Variants in ADGRA1 observed in about 807,000 individuals in gnomAD.
ADGRA1 encodes G-protein coupled receptor 123.
In ADGRA1, 12 loss-of-function variants were observed where a neutral mutation model predicts 21.3. The observed-to-expected ratio is 0.56, with a 90% CI of 0.36 to 0.91. The LOEUF is 0.91. Ranked by LOEUF, ADGRA1 falls within the 40% of genes least tolerant of loss-of-function variation. ADGRA1 has a pLI of 0.01. For missense variants in ADGRA1, 790 were observed against 805.6 expected, an observed-to-expected ratio of 0.98 and a Z score of 0.23; for synonymous variants, 385 against 368.8, an observed-to-expected ratio of 1.04 and a Z score of -0.50.
chr10:133,109,957 G>A (rs1282982283), intron 5 of ADGRA1, among the ~76,000 whole-genome samples: 2 of 152,230 alleles, frequency 1.3e-5, no homozygotes, highest in Non-Finnish European at 1.5e-5. Context: ...GGACTCAGCA[G>A]TGGTGGCATT....
intron 5 of ADGRA1, among the ~76,000 whole-genome samples, chr10:133,111,010 T>G (rs1439987489): frequency 1.3e-5 from 2 of 152,088 alleles, no homozygotes; most frequent in Admixed American, 1.3e-4. Flanking sequence ...GTGGCTGAAC[T>G]GGGGAGGTTC....
At chr10:133,093,664 C>T (rs1047440366) in intron 2 of ADGRA1, among the ~76,000 whole-genome samples, 6 of 152,198 alleles carry the variant, frequency 3.9e-5, no homozygotes, top group Admixed American at 3.9e-4. Flanking sequence ...CCTTCATCCG[C>T]CCCTTCCCAG....
intron 5 of ADGRA1, among the ~76,000 whole-genome samples, chr10:133,113,164 T>TGGGCC (rs1852092761): frequency 4.9e-5 from 2 of 40,516 alleles, no homozygotes; most frequent in Non-Finnish European, 9.8e-5. Flanking sequence ...TTGAGGTCTG[T>TGGGCC]AAGCCGCGTC....
At chr10:133,111,176 T>C (rs372920913) in intron 5 of ADGRA1, among the ~76,000 whole-genome samples, 254 of 18,734 alleles carry the variant, frequency 0.014, 43 homozygotes, top group African/African-American at 0.033. Context: ...CTGCCCGCCG[T>C]GAGCACCTCC....
In ADGRA1 at chr10:133,111,294, GC is replaced by G. The variant is rs1207321489; in HGVS notation, c.401+8459del. ...CCCTCCTAATCCCACCAGACAACCTGCCCCCCCGGGAACCATCCCTCCTAAT... is the reference window on the plus strand; with the variant it reads ...CCCTCCTAATCCCACCAGACAACCTGCCCCCCGGGAACCATCCCTCCTAAT... On this transcript the variant is annotated intron_variant, in intron 5 of 6. Transcript: ENST00000392607. Among the ~76,000 whole-genome samples the G allele has an allele frequency of 2.1e-4, 15 of 69,880 alleles. 1 individual carries two copies. The highest frequency in any genetic ancestry group is 1.1e-3 in the African/African-American group (13 of 12,144). The allele number at this position is 69,880 out of a possible 152,430, so 45.8% of individuals were successfully genotyped here. A position where few individuals can be genotyped will look rare whatever the true frequency, so the allele number is the denominator to read the frequency against.
intron 5 of ADGRA1, among the ~76,000 whole-genome samples, chr10:133,109,943 C>T (rs1274791900): frequency 6.6e-6 from 1 of 152,194 alleles, no homozygotes; most frequent in Admixed American, 6.5e-5. Flanking sequence ...GCTGGAAGGA[C>T]TCGGGACTCA....
intron 5 of ADGRA1, among the ~76,000 whole-genome samples, chr10:133,103,752 G>C (rs554905162): frequency 2.7e-4 from 41 of 152,334 alleles, no homozygotes; most frequent in African/African-American, 9.1e-4. Context: ...GGCCGCGGCC[G>C]TGACCAGGCC....
At chr10:133,125,024 C>T (rs1448225629) in intron 5 of ADGRA1, among the ~76,000 whole-genome samples, 2 of 152,246 alleles carry the variant, frequency 1.3e-5, no homozygotes, top group Admixed American at 6.5e-5. Context: ...GACACTTCTG[C>T]GTCCCCTGGG....
rs762634284 is a variant in ADGRA1 at position 133,128,536 on chromosome 10, C to T, written c.708C>T (p.Pro236=). ...GGRGIRPGTP[P]AHDAPGASVL... ...GTGGGATCCGGCCAGGCACCCCACC[C>T]GCACACGATGCCCCCGGCGCCTCCG... The change falls in exon 7 of 7, where the codon CCC becomes CCT. Residue 236 remains proline, a synonymous_variant. Transcript: ENST00000392607. The T allele has an allele frequency of 8.4e-6, 13 of 1,549,624 alleles. No homozygotes were observed. The highest frequency in any genetic ancestry group is 2.4e-5 in the East Asian group (1 of 40,974).
chr10:133,119,309 C>T (rs941194006), intron 5 of ADGRA1, among the ~76,000 whole-genome samples: 2 of 150,784 alleles, frequency 1.3e-5, no homozygotes, highest in African/African-American at 2.4e-5. Flanking sequence ...AATCTTCCTG[C>T]GGGTGGAGGG....
intron 5 of ADGRA1, among the ~76,000 whole-genome samples, chr10:133,110,733 C>T (rs1236629987): frequency 6.6e-6 from 1 of 152,214 alleles, no homozygotes; most frequent in African/African-American, 2.4e-5. Flanking sequence ...GTCTGATGCC[C>T]ATGTCTGAAC....
intron 5 of ADGRA1, among the ~76,000 whole-genome samples, chr10:133,111,808 GGC>G (rs1564849411): frequency 2.7e-5 from 4 of 149,540 alleles, no homozygotes; most frequent in Non-Finnish European, 3.0e-5. Context: ...GCCCACCACA[GGC>G]ACCTCCCTCC....
At chr10:133,092,920 G>A (rs1851625887) in intron 2 of ADGRA1, 1 of 1,548,440 alleles carries the variant, frequency 6.5e-7, no homozygotes, top group Admixed American at 1.9e-5. Flanking sequence ...AAGGAGGACT[G>A]GAAGCACCTG....
intron 2 of ADGRA1, among the ~76,000 whole-genome samples, chr10:133,090,388 C>G (rs1009351177): frequency 6.6e-6 from 1 of 152,258 alleles, no homozygotes; most frequent in Non-Finnish European, 1.5e-5. Flanking sequence ...CTGTGAAAGC[C>G]TGCTGAGCTC....
intron 6 of ADGRA1, 111 bp from the exon 7 acceptor site, chr10:133,128,218 G>C: frequency 1.3e-6 from 1 of 773,710 alleles, no homozygotes; most frequent in South Asian, 2.0e-5. Context: ...AGCCGCAGCT[G>C]TGCAAAGCCA....
At position 133,088,810 on chromosome 10, in the gene ADGRA1, A is replaced by G. The variant is rs10745302; in HGVS notation, c.-100A>G. 672,654 of 1,233,776 alleles carry G rather than the reference A, an allele frequency of 0.55. 188,776 individuals carry two copies. Among genetic ancestry groups the G allele is most frequent in the African/African-American group, 0.88 (56,840 of 64,564 alleles). 76.4% of individuals were successfully genotyped at this position (1,233,776 alleles called of 1,614,324 possible). ...CCGCCGTCTGGGACTTTGACCTTCC[A>G]GAGGCCATGGAGGCTGGCGGGGAGC... On this transcript the variant is annotated 5_prime_UTR_variant, in exon 2 of 7. Coordinates refer to ENST00000392607, the MANE Select transcript of ADGRA1 (RefSeq NM_001083909.3).
intron 5 of ADGRA1, among the ~76,000 whole-genome samples, chr10:133,121,060 G>C (rs1233442503): frequency 2.0e-5 from 3 of 152,118 alleles, no homozygotes; most frequent in Non-Finnish European, 4.4e-5. Context: ...AGATCACACG[G>C]GACATTTACC....
Position 133,098,673 on chromosome 10 carries a change from G to A in ADGRA1, c.165G>A (p.Thr55=), listed in dbSNP as rs774571906. 7.4e-6 allele frequency: 12 copies of A among 1,611,098 alleles called. No homozygotes were observed. Among genetic ancestry groups the A allele is most frequent in the Admixed American group, 1.7e-5 (1 of 60,002 alleles). The change falls in exon 4 of 7, where the codon ACG becomes ACA. Residue 55 remains threonine, a synonymous_variant. Coordinates refer to ENST00000392607, the MANE Select transcript of ADGRA1 (RefSeq NM_001083909.3). ...AIRISRKGRH[T]LLNFCFHAAL... ...GCATCAGCCGCAAGGGCCGGCACAC[G>A]CTCCTGAATTTCTGCTTCCACGCGG...
chr10:133,090,014 C>G (rs1851571790), intron 2 of ADGRA1, among the ~76,000 whole-genome samples: 1 of 152,224 alleles, frequency 6.6e-6, no homozygotes. Context: ...CCCAGGCCTC[C>G]CAGTTGGCAG....
Sources: allele counts gnomAD v4.1 joint callset (sites outside exome capture counted in the v4.1 genomes callset), GRCh38; gene constraint gnomAD v4.1.1; transcripts MANE v1.5; gene names NCBI Gene and HGNC (gene_info 2026-07-23, HGNC 2026-07-21).